The following MAP3K9 variants were observed in gnomAD, a reference collection of about 807,000 sequenced individuals.
MAP3K9 encodes the protein mixed lineage kinase 1 (tyr and ser/thr specificity).
In MAP3K9, 46 loss-of-function variants were observed where a neutral mutation model predicts 95.8. The ratio of observed to expected loss-of-function variants is 0.48; its 90% CI spans 0.38 to 0.61. The LOEUF (loss-of-function observed/expected upper bound fraction) is 0.61. MAP3K9 is among the 20% of genes least tolerant of loss of function. MAP3K9 has a pLI of 0.00. For missense variants in MAP3K9, 1,296 were observed against 1,474.3 expected (o/e 0.88, Z 1.98); for synonymous variants, 533 against 593.8 (o/e 0.90, Z 1.49).
intron 11 of MAP3K9, 50 bp from the exon 12 acceptor site, chr14:70,730,914 G>C: frequency 6.5e-7 from 1 of 1,544,432 alleles, no homozygotes; most frequent in Non-Finnish European, 8.7e-7. Context: ...CCATATTTCG[G>C]GGTTAGATAT....
At chr14:70,756,905 A>C (rs1566744380) in intron 3 of MAP3K9, among the ~76,000 whole-genome samples, 1 of 152,244 alleles carries the variant, frequency 6.6e-6, no homozygotes, top group Non-Finnish European at 1.5e-5. Flanking sequence ...GCATATGGTC[A>C]AGCAATAAAA....
chr14:70,732,447 C>T (rs1306038272), intron 11 of MAP3K9, 92 bp downstream of exon 11: 1 of 1,467,246 alleles, frequency 6.8e-7, no homozygotes, highest in African/African-American at 1.4e-5. Context: ...TCACTCAAAT[C>T]CCGAAGTGGA....
chr14:70,741,697 G>A (rs184293255), intron 6 of MAP3K9, among the ~76,000 whole-genome samples: 1 of 152,326 alleles, frequency 6.6e-6, no homozygotes, highest in East Asian at 1.9e-4. Context: ...AAAAACGTCA[G>A]CCAGGAGTGG....
chr14:70,780,465 G>A (rs2054660139), intron 2 of MAP3K9, among the ~76,000 whole-genome samples: 1 of 152,150 alleles, frequency 6.6e-6, no homozygotes, highest in South Asian at 2.1e-4. Flanking sequence ...AGGTTCTCAT[G>A]ATTAAAACAG....
intron 1 of MAP3K9, among the ~76,000 whole-genome samples, chr14:70,803,904 T>C (rs934419671): frequency 6.6e-6 from 1 of 152,222 alleles, no homozygotes; most frequent in African/African-American, 2.4e-5. Flanking sequence ...CAGCTAAAGT[T>C]CTGAATGCAG....
At chr14:70,743,617 A>T (rs1376036791) in intron 5 of MAP3K9, among the ~76,000 whole-genome samples, 2 of 152,254 alleles carry the variant, frequency 1.3e-5, no homozygotes, top group Non-Finnish European at 1.5e-5. Context: ...GCTCATCAAC[A>T]CTGGTCACTA....
chr14:70,746,581 A>G (rs561618660), intron 5 of MAP3K9, among the ~76,000 whole-genome samples: 4 of 152,278 alleles, frequency 2.6e-5, no homozygotes, highest in Non-Finnish European at 5.9e-5. Context: ...TTCAGGTCCC[A>G]GCTTCACCAT....
intron 1 of MAP3K9, among the ~76,000 whole-genome samples, chr14:70,804,723 A>G (rs1440000978): frequency 1.3e-5 from 2 of 152,338 alleles, no homozygotes; most frequent in Non-Finnish European, 2.9e-5. Flanking sequence ...GACATGATTC[A>G]GTACTAGGGT....
rs1158578637 is a variant in MAP3K9, at chr14:70,727,275, A to G, written c.*3105T>C. 3 of 152,220 alleles carry G rather than the reference A, an allele frequency of 2.0e-5. No individual in the cohort carries two copies. The highest frequency in any genetic ancestry group is 6.5e-5 in the Admixed American group (1 of 15,286). The allele number at this position is 152,220 out of a possible 1,614,324, so 9.4% of individuals were successfully genotyped here. ...TCCGCCAAAGCCTCTCAGAAATAAC[A>G]TACAGATAACTGAGGTATCTACTCA... On this transcript the variant is annotated 3_prime_UTR_variant, in exon 12 of 12. Transcript: ENST00000554752.
At chr14:70,787,971 C>T (rs1024181080) in intron 2 of MAP3K9, among the ~76,000 whole-genome samples, 1 of 152,104 alleles carries the variant, frequency 6.6e-6, no homozygotes, top group African/African-American at 2.4e-5. Context: ...ACAGCAACAC[C>T]TCTGCTGTCC....
chr14:70,744,180 G>A (rs749488348), intron 5 of MAP3K9, among the ~76,000 whole-genome samples: 6 of 152,078 alleles, frequency 3.9e-5, no homozygotes, highest in East Asian at 3.9e-4. Flanking sequence ...GGAGGGGAAC[G>A]TCACACACCC....
chr14:70,756,081 AC>A (rs1341131845), intron 3 of MAP3K9, among the ~76,000 whole-genome samples: 4 of 152,198 alleles, frequency 2.6e-5, no homozygotes, highest in African/African-American at 9.7e-5. Flanking sequence ...CAACAAGGAT[AC>A]TTAGGGTAAA....
chr14:70,800,688 G>A lies in MAP3K9; in HGVS notation c.799C>T (p.Arg267Cys), dbSNP rs760824974. ...TCACTGTTGCTGGACTTAAGGTCGC[G>A]GTGGATGATGGGAACAATTGCCTCA... Reference protein sequence around the residue: ...HDEAIVPIIHRDLKSSNILIL... With the variant: ...HDEAIVPIIHCDLKSSNILIL... Residue 267 changes from arginine (R) to cysteine (C), a missense_variant, in exon 2 of 12, where the codon CGC (arginine) becomes TGC (cysteine). Transcript: ENST00000554752. 8 of 1,613,814 alleles carry A rather than the reference G, an allele frequency of 5.0e-6. No homozygotes were observed. The highest frequency in any genetic ancestry group is 2.2e-5 in the East Asian group (1 of 44,874).
chr14:70,792,948 T>C (rs1014046212), intron 2 of MAP3K9, among the ~76,000 whole-genome samples: 2 of 152,096 alleles, frequency 1.3e-5, no homozygotes, highest in African/African-American at 2.4e-5. Context: ...CAAGAGAAGG[T>C]TGGAGACGAG....
At chr14:70,751,847 T>C (rs1311547714) in intron 3 of MAP3K9, among the ~76,000 whole-genome samples, 1 of 152,202 alleles carries the variant, frequency 6.6e-6, no homozygotes, top group East Asian at 1.9e-4. Context: ...TTATCAACAT[T>C]TTGCACACAA....
intron 1 of MAP3K9, among the ~76,000 whole-genome samples, chr14:70,801,798 G>A (rs1160358352): frequency 6.6e-6 from 1 of 152,194 alleles, no homozygotes; most frequent in East Asian, 1.9e-4. Context: ...GAGTGGGAGA[G>A]ATCTCAGGCG....
At chr14:70,764,142 C>T (rs916597831) in intron 2 of MAP3K9, among the ~76,000 whole-genome samples, 12 of 129,398 alleles carry the variant, frequency 9.3e-5, no homozygotes, top group African/African-American at 2.4e-4. Flanking sequence ...GCCGAGATTG[C>T]GCCACTGCAG....
intron 2 of MAP3K9, among the ~76,000 whole-genome samples, chr14:70,781,159 T>C (rs2054670536): frequency 6.6e-6 from 1 of 152,212 alleles, no homozygotes; most frequent in African/African-American, 2.4e-5. Flanking sequence ...GAAATGACAA[T>C]GCCCGACTTC....
intron 9 of MAP3K9, among the ~76,000 whole-genome samples, chr14:70,735,689 T>G (rs747423433): frequency 6.6e-6 from 1 of 152,090 alleles, no homozygotes; most frequent in Non-Finnish European, 1.5e-5. Context: ...AAAGGATAAA[T>G]AGCCACATAT....
Sources: gnomAD v4.1 joint callset for allele counts (sites outside exome capture counted in the v4.1 genomes callset) on GRCh38, gnomAD v4.1.1 for gene constraint, MANE v1.5 for transcripts, NCBI Gene and HGNC (gene_info 2026-07-23, HGNC 2026-07-21) for gene names.